ZNF592: variants seen among roughly 807,000 people sequenced by gnomAD.
ZNF592 encodes zinc finger protein 592.
A neutral mutation model predicts 80.3 loss-of-function variants in ZNF592; 11 were observed. That is an observed-to-expected ratio of 0.14 (90% CI 0.09 to 0.23). The LOEUF (loss-of-function observed/expected upper bound fraction) is 0.23, where lower values mean the gene tolerates loss of function less well. ZNF592 is among the 10% of genes least tolerant of loss of function. The pLI is 1.00. For missense variants in ZNF592, 1,420 were observed against 1,633.9 expected (o/e 0.87, Z 2.26); for synonymous variants, 646 against 640.3 (o/e 1.01, Z -0.13).
intron 1 of ZNF592, chr15:84,754,388 C>T (rs1164468265): frequency 6.6e-6 from 1 of 151,998 alleles, no homozygotes; most frequent in Non-Finnish European, 1.5e-5. Flanking sequence ...ATGGTAAAAT[C>T]CCATCTCTAC....
intron 1 of ZNF592, among the ~76,000 whole-genome samples, chr15:84,756,470 C>G (rs973260971): frequency 2.6e-5 from 4 of 152,210 alleles, no homozygotes; most frequent in African/African-American, 9.6e-5. Flanking sequence ...TAACTGCAAG[C>G]CATCTCAGGG....
intron 2 of ZNF592, among the ~76,000 whole-genome samples, chr15:84,768,320 C>A (rs1217547135): frequency 6.6e-6 from 1 of 150,750 alleles, no homozygotes; most frequent in African/African-American, 2.5e-5. Flanking sequence ...TCACTACAAC[C>A]TCTGCCTCCT....
intron 1 of ZNF592, among the ~76,000 whole-genome samples, chr15:84,756,340 C>T (rs181031877): frequency 6.6e-6 from 1 of 152,216 alleles, no homozygotes; most frequent in South Asian, 2.1e-4. Flanking sequence ...CCCTGGTTTG[C>T]TGTAGTTTAC....
In ZNF592 at chr15:84,799,755, C is replaced by T. The variant is rs1321766679; in HGVS notation, c.3138-87C>T. 1 of 1,596,632 alleles carries T rather than the reference C, an allele frequency of 6.3e-7. No individual in the cohort carries two copies. Among genetic ancestry groups the T allele is most frequent in the East Asian group, 2.2e-5 (1 of 44,824 alleles). On this transcript the variant is annotated intron_variant, in intron 9 of 10. Coordinates refer to ENST00000560079, the MANE Select transcript of ZNF592 (RefSeq NM_014630.3). This position sits in a 1 kb window ranked among gnomAD's most constrained non-coding sequence, Gnocchi z 4.2. The stretch of plus-strand genomic sequence containing the variant: ...AGCCAGCCCAGGAGTCTGCTCCAGA[C>T]TCCCTCCTTCCTGGCCTTGGTGTGA...
chr15:84,780,344 A>C (rs937857075), intron 3 of ZNF592, among the ~76,000 whole-genome samples: 1 of 152,178 alleles, frequency 6.6e-6, no homozygotes, highest in Non-Finnish European at 1.5e-5. Flanking sequence ...GAAGCTTATA[A>C]AGCAAATATC....
chr15:84,795,886 C>G lies in ZNF592; in HGVS notation c.2400-1983C>G, dbSNP rs565120048. On this transcript the variant is annotated intron_variant, in intron 5 of 10. Coordinates refer to ENST00000560079, the MANE Select transcript of ZNF592 (RefSeq NM_014630.3). ...GAAGGTGATTCTCTACCCCTCCCTTCCAATACACACAAGGAAGAAAAAAGA... is the reference window on the plus strand; with the variant it reads ...GAAGGTGATTCTCTACCCCTCCCTTGCAATACACACAAGGAAGAAAAAAGA... 1.9e-3 allele frequency among the ~76,000 whole-genome samples: 296 copies of G among 152,124 alleles called. 2 individuals are homozygous for G. The highest frequency in any genetic ancestry group is 2.2e-3 in the Non-Finnish European group (147 of 68,014).
At chr15:84,795,146 C>A (rs1962858804) in intron 5 of ZNF592, among the ~76,000 whole-genome samples, 1 of 151,546 alleles carries the variant, frequency 6.6e-6, no homozygotes, top group Non-Finnish European at 1.5e-5. Context: ...TTCAGAATTT[C>A]ATAAATTATT....
intron 4 of ZNF592, among the ~76,000 whole-genome samples, chr15:84,788,085 A>C (rs535240488): frequency 6.6e-6 from 1 of 152,274 alleles, no homozygotes; most frequent in Non-Finnish European, 1.5e-5. Context: ...TGTAGACTGG[A>C]AGTAAGCAAT....
intron 2 of ZNF592, among the ~76,000 whole-genome samples, chr15:84,765,092 C>A (rs1300155370): frequency 1.3e-5 from 2 of 152,180 alleles, no homozygotes; most frequent in Non-Finnish European, 2.9e-5. Flanking sequence ...CTCCTGCTAA[C>A]CCCTGGCAAC....
intron 10 of ZNF592, 89 bp from the exon 11 acceptor site, chr15:84,801,774 T>G: frequency 6.2e-7 from 1 of 1,602,544 alleles, no homozygotes; most frequent in South Asian, 1.1e-5. Context: ...TGGGTGGTGC[T>G]TTCTTTGAGT....
intron 10 of ZNF592, among the ~76,000 whole-genome samples, chr15:84,801,236 G>A (rs538862010): frequency 2.0e-5 from 3 of 152,286 alleles, no homozygotes; most frequent in Admixed American, 2.0e-4. Flanking sequence ...GAGGTGGGAG[G>A]ATCGCTTAAG....
At chr15:84,757,862 A>G (rs1249029554) in intron 1 of ZNF592, among the ~76,000 whole-genome samples, 1 of 140,860 alleles carries the variant, frequency 7.1e-6, no homozygotes, top group Non-Finnish European at 1.5e-5. Flanking sequence ...GGGTTGCACC[A>G]TGTTGCCCAG....
At position 84,805,404 on chromosome 15, in the gene ZNF592, C is replaced by G. The variant is rs1158678672; in HGVS notation, c.*3011C>G. 2 of 152,348 alleles carry G rather than the reference C, an allele frequency of 1.3e-5. No homozygotes were observed. The highest frequency in any genetic ancestry group is 2.9e-5 in the Non-Finnish European group (2 of 68,036). The allele number at this position is 152,348 out of a possible 1,614,324, so 9.4% of individuals were successfully genotyped here. A position where few individuals can be genotyped will look rare whatever the true frequency, so the allele number is the denominator to read the frequency against. ...AATGCTTGCTGTAACAAGCGTTTATCTGCACATTATGCTGCAGTGAATGCT... is the reference window on the plus strand; with the variant it reads ...AATGCTTGCTGTAACAAGCGTTTATGTGCACATTATGCTGCAGTGAATGCT... On this transcript the variant is annotated 3_prime_UTR_variant, in exon 11 of 11. Coordinates refer to ENST00000560079, the MANE Select transcript of ZNF592 (RefSeq NM_014630.3).
At chr15:84,774,095 T>G (rs1165592404) in intron 2 of ZNF592, among the ~76,000 whole-genome samples, 2 of 152,250 alleles carry the variant, frequency 1.3e-5, no homozygotes, top group Non-Finnish European at 2.9e-5. Flanking sequence ...GTATTGCTTT[T>G]CCCTGAATGT....
intron 3 of ZNF592, among the ~76,000 whole-genome samples, chr15:84,779,566 A>C (rs1441596729): frequency 1.3e-5 from 2 of 151,928 alleles, no homozygotes; most frequent in African/African-American, 4.8e-5. Context: ...TTCCCAGGCT[A>C]CTCTCAAACT....
intron 2 of ZNF592, among the ~76,000 whole-genome samples, chr15:84,768,621 T>G (rs1264780433): frequency 6.6e-6 from 1 of 152,162 alleles, no homozygotes; most frequent in Non-Finnish European, 1.5e-5. Flanking sequence ...TTTTCTTTCC[T>G]CTGGTGTCAC....
rs2141535041 is a variant in ZNF592 at position 84,806,302 on chromosome 15, G to A, written c.*3909G>A. Reference sequence around the variant, plus strand: ...GGGCACAGGAAGCCTTGGGCCCCTGGAGGAAAAAGTTGAGACTAGGACGCA... The same window carrying A: ...GGGCACAGGAAGCCTTGGGCCCCTGAAGGAAAAAGTTGAGACTAGGACGCA... On this transcript the variant is annotated 3_prime_UTR_variant, in exon 11 of 11. Transcript: ENST00000560079. The A allele has an allele frequency of 1.3e-5, 2 of 152,328 alleles. No individual in the cohort carries two copies. Among genetic ancestry groups the A allele is most frequent in the South Asian group, 4.1e-4 (2 of 4,832 alleles). The allele number at this position is 152,328 out of a possible 1,614,324, so 9.4% of individuals were successfully genotyped here.
rs1491529660 is a variant in ZNF592, at chr15:84,759,966, C to CT, written c.-258-4741_-258-4740insT. ...GGATTGGGGAGATTCCCCCCCCCCC[C>CT]ACCCTGCCATTTAAAAAGTAATATG... On this transcript the variant is annotated intron_variant, in intron 1 of 10. Coordinates refer to ENST00000560079, the MANE Select transcript of ZNF592 (RefSeq NM_014630.3). Among the ~76,000 whole-genome samples the CT allele has an allele frequency of 4.6e-4, 33 of 71,842 alleles. 4 individuals are homozygous for CT. The highest frequency in any genetic ancestry group is 2.9e-3 in the African/African-American group (32 of 11,210). 47.1% of individuals were successfully genotyped at this position (71,842 alleles called of 152,430 possible).
intron 5 of ZNF592, among the ~76,000 whole-genome samples, chr15:84,795,732 TTAAG>T (rs892122675): frequency 5.9e-5 from 9 of 152,310 alleles, no homozygotes; most frequent in African/African-American, 1.7e-4. Context: ...GAAAGGAAAA[TTAAG>T]TAAGTAACTT....
Sources: allele counts gnomAD v4.1 joint callset (sites outside exome capture counted in the v4.1 genomes callset), GRCh38; gene constraint gnomAD v4.1.1; non-coding constraint Gnocchi (gnomAD v3.1); transcripts MANE v1.5; gene names NCBI Gene and HGNC (gene_info 2026-07-23, HGNC 2026-07-21).